The following EFCAB14 variants were observed in gnomAD, a reference collection of about 807,000 sequenced individuals.
EFCAB14 encodes the protein EF-hand calcium-binding domain-containing protein 14.
In EFCAB14, 43 loss-of-function variants were observed where a neutral mutation model predicts 56.5. The observed-to-expected ratio is 0.76, with a 90% CI of 0.60 to 0.98. The LOEUF (loss-of-function observed/expected upper bound fraction) is 0.98. Among genes scored for constraint, EFCAB14 ranks in the 50% least tolerant of loss-of-function variants. The pLI, the probability that EFCAB14 is intolerant of heterozygous loss-of-function variation, is 0.00. For synonymous variants in EFCAB14, 235 were observed against 212.9 expected, an observed-to-expected ratio of 1.10 and a Z score of -0.90; for missense variants, 538 against 580.3, an observed-to-expected ratio of 0.93 and a Z score of 0.75.
intron 1 of EFCAB14, among the ~76,000 whole-genome samples, chr1:46,717,463 G>A (rs948134610): frequency 2.6e-5 from 4 of 152,058 alleles, no homozygotes; most frequent in Non-Finnish European, 4.4e-5. Context: ...ACTTCCTACA[G>A]TATATCTCTC....
At chr1:46,715,651 G>A (rs1677376312) in intron 2 of EFCAB14, among the ~76,000 whole-genome samples, 1 of 151,938 alleles carries the variant, frequency 6.6e-6, no homozygotes, top group South Asian at 2.1e-4. Flanking sequence ...GCCATAAGTA[G>A]AGGTTACACC....
chr1:46,716,444 C>T lies in EFCAB14; in HGVS notation c.186-1G>A. 1 of 1,613,888 alleles carries T rather than the reference C, an allele frequency of 6.2e-7. No individual in the cohort carries two copies. ...CTTGCAGCATCGTAAATAGTCTCCC[C>T]TGCTCAAGAGGACAAATTCAACCAT... is the stretch of plus-strand genomic sequence containing the variant. On this transcript the variant is annotated splice_acceptor_variant, in intron 1 of 10. Transcript: ENST00000371933. LOFTEE classifies it high-confidence loss of function.
chr1:46,704,966 A>G (rs915450562), intron 3 of EFCAB14, among the ~76,000 whole-genome samples: 1 of 151,858 alleles, frequency 6.6e-6, no homozygotes, highest in Admixed American at 6.6e-5. Context: ...TAAGTGATAT[A>G]ATAACACTTC....
intron 3 of EFCAB14, among the ~76,000 whole-genome samples, chr1:46,705,255 C>T (rs1285977111): frequency 6.6e-6 from 1 of 152,200 alleles, no homozygotes; most frequent in Non-Finnish European, 1.5e-5. Context: ...TGGTGAAGTC[C>T]TCTGTTATCA....
At position 46,718,283 on chromosome 1, in the gene EFCAB14, C is replaced by T. The variant is rs1677429743; in HGVS notation, c.-196G>A. ...GATTGGAGCCCAGAGGAAACTGGAA[C>T]TCAGATGGGTGGGGGAAATCACATA... On this transcript the variant is annotated 5_prime_UTR_variant, in exon 1 of 11. Transcript: ENST00000371933. 9.2e-6 allele frequency: 5 copies of T among 545,904 alleles called. No individual in the cohort carries two copies. Among genetic ancestry groups the T allele is most frequent in the Non-Finnish European group, 1.3e-5 (4 of 307,598 alleles). 33.8% of individuals were successfully genotyped at this position (545,904 alleles called of 1,614,324 possible). A position where few individuals can be genotyped will look rare whatever the true frequency, so the allele number is the denominator to read the frequency against.
rs959890667 is a variant in EFCAB14, at chr1:46,691,701, T to C, written c.690+126A>G. ...AACAAATTGTAGAACAATCAATGTA[T>C]ACTGCTTATTAGATCTTTTGAACAG... On this transcript the variant is annotated intron_variant, in intron 5 of 10. Transcript: ENST00000371933. 3.3e-5 allele frequency: 20 copies of C among 612,312 alleles called. No individual in the cohort carries two copies. In the African/African-American group the frequency reaches 3.4e-4, roughly 10 times the overall value. 37.9% of individuals were successfully genotyped at this position (612,312 alleles called of 1,614,324 possible).
chr1:46,707,501 T>C (rs1055475948), intron 3 of EFCAB14, among the ~76,000 whole-genome samples: 27 of 152,206 alleles, frequency 1.8e-4, no homozygotes, highest in African/African-American at 6.5e-4. Flanking sequence ...TGACTACTGT[T>C]GATGATTTCC....
intron 3 of EFCAB14, among the ~76,000 whole-genome samples, chr1:46,701,323 C>T (rs574136799): frequency 6.6e-6 from 1 of 152,156 alleles, no homozygotes; most frequent in African/African-American, 2.4e-5. Flanking sequence ...CCTTAGTGCC[C>T]CAAAGTATGT....
At chr1:46,678,782 A>C (rs1254058465) in intron 10 of EFCAB14, 146 bp from the exon 11 acceptor site, 1 of 632,694 alleles carries the variant, frequency 1.6e-6, no homozygotes. Context: ...GATTTCACTA[A>C]ATCAGGAAGA....
intron 6 of EFCAB14, among the ~76,000 whole-genome samples, chr1:46,689,287 G>A (rs917708070): frequency 1.3e-5 from 2 of 152,156 alleles, no homozygotes; most frequent in Non-Finnish European, 2.9e-5. Context: ...AACCTGCCCA[G>A]ATAGCTATTT....
In EFCAB14 at chr1:46,683,424, C is replaced by T. The variant is rs775329227; in HGVS notation, c.1188G>A (p.Glu396=). ...SNRPPETADE[E]QVESFTSKPS... is the part of the protein sequence containing the mutation. ...GCTTTGATGTGAAACTCTCTACTTG[C>T]TCTGTAACAAATACATAAGGTTTTA... The change falls in exon 10 of 11, where the codon GAG becomes GAA. Residue 396 remains glutamate, a splice_region_variant and synonymous_variant. Transcript: ENST00000371933. The T allele has an allele frequency of 6.2e-7, 1 of 1,613,066 alleles. No individual in the cohort carries two copies. Among genetic ancestry groups the T allele is most frequent in the Non-Finnish European group, 8.5e-7 (1 of 1,179,696 alleles).
chr1:46,677,951 A>T lies in EFCAB14; in HGVS notation c.*510T>A, dbSNP rs1676721455. Reference sequence around the variant, plus strand: ...AATTTTTAATAAGTCATTTGTTCATATCCTGTTCAAAACCATTCTTCCTAC... The same window carrying T: ...AATTTTTAATAAGTCATTTGTTCATTTCCTGTTCAAAACCATTCTTCCTAC... On this transcript the variant is annotated 3_prime_UTR_variant, in exon 11 of 11. Coordinates refer to ENST00000371933, the MANE Select transcript of EFCAB14 (RefSeq NM_014774.3). The T allele has an allele frequency of 1.3e-5, 2 of 153,148 alleles. No individual in the cohort carries two copies. The highest frequency in any genetic ancestry group is 1.3e-4 in the Admixed American group (2 of 15,294). 9.5% of individuals were successfully genotyped at this position (153,148 alleles called of 1,614,324 possible). A position where few individuals can be genotyped will look rare whatever the true frequency, so the allele number is the denominator to read the frequency against.
chr1:46,701,715 A>AGT (rs1384408911), intron 3 of EFCAB14, among the ~76,000 whole-genome samples: 2 of 152,218 alleles, frequency 1.3e-5, no homozygotes, highest in Non-Finnish European at 2.9e-5. Context: ...CTCTATGCCT[A>AGT]GTGTATCAGC....
intron 3 of EFCAB14, among the ~76,000 whole-genome samples, chr1:46,698,953 A>G (rs1055822059): frequency 1.0e-5 from 1 of 97,540 alleles, no homozygotes; most frequent in African/African-American, 3.8e-5. Flanking sequence ...TAGTCTCGGC[A>G]AGAGATAATG....
chr1:46,703,366 C>T (rs974152887), intron 3 of EFCAB14, among the ~76,000 whole-genome samples: 11 of 152,182 alleles, frequency 7.2e-5, no homozygotes. Context: ...CCTCGGCCTC[C>T]CAAAGTGCTG....
At chr1:46,713,788 G>A (rs962253522) in intron 2 of EFCAB14, among the ~76,000 whole-genome samples, 2 of 152,174 alleles carry the variant, frequency 1.3e-5, no homozygotes, top group Admixed American at 1.3e-4. Flanking sequence ...AGAGATGACG[G>A]CACAGACAGG....
chr1:46,708,105 C>A, intron 2 of EFCAB14, 54 bp from the exon 3 acceptor site: 1 of 1,498,868 alleles, frequency 6.7e-7, no homozygotes, highest in Non-Finnish European at 8.9e-7. Flanking sequence ...CCTCATGGTC[C>A]TAAGATGAAA....
At chr1:46,698,535 C>A (rs886760705) in intron 3 of EFCAB14, among the ~76,000 whole-genome samples, 2 of 152,004 alleles carry the variant, frequency 1.3e-5, no homozygotes, top group African/African-American at 4.8e-5. Context: ...TCTGAGGAGG[C>A]CTCTGTAAGG....
intron 2 of EFCAB14, among the ~76,000 whole-genome samples, chr1:46,712,733 C>T (rs1677327954): frequency 6.6e-6 from 1 of 151,984 alleles, no homozygotes; most frequent in Non-Finnish European, 1.5e-5. Flanking sequence ...TTAGGCAGGG[C>T]GTGGTGGCTC....
Sources: allele counts gnomAD v4.1 joint callset (sites outside exome capture counted in the v4.1 genomes callset), GRCh38; gene constraint gnomAD v4.1.1; transcripts MANE v1.5; gene names NCBI Gene and HGNC (gene_info 2026-07-23, HGNC 2026-07-21).